Variants in AAK1 observed in about 807,000 individuals in gnomAD.
The protein encoded by AAK1 is AP2-associated protein kinase 1.
In AAK1, 37 loss-of-function variants were observed where a neutral mutation model predicts 116.0. That is an observed-to-expected ratio of 0.32 (90% CI 0.25 to 0.42). The LOEUF (loss-of-function observed/expected upper bound fraction) is 0.42, where lower values mean the gene tolerates loss of function less well. AAK1 is among the 10% of genes least tolerant of loss of function. AAK1 has a pLI of 1.00. For missense variants in AAK1, 919 were observed against 1,170.6 expected, an observed-to-expected ratio of 0.79 and a Z score of 3.14; for synonymous variants, 458 against 439.9, an observed-to-expected ratio of 1.04 and a Z score of -0.51.
intron 2 of AAK1, among the ~76,000 whole-genome samples, chr2:69,602,806 G>A (rs1673636473): frequency 6.6e-6 from 1 of 152,152 alleles, no homozygotes; most frequent in Non-Finnish European, 1.5e-5. Context: ...ACTAAAAAAA[G>A]ATGGTATTTA....
Position 69,482,799 on chromosome 2 carries a change from C to T in AAK1, c.2379G>A (p.Glu793=), listed in dbSNP as rs773380141. The T allele has an allele frequency of 6.2e-7, 1 of 1,612,330 alleles. No homozygotes were observed. Among genetic ancestry groups the T allele is most frequent in the Admixed American group, 1.7e-5 (1 of 59,990 alleles). Reference sequence around the variant, plus strand: ...GAGAAGTGTCAGGAGATTTGAGTCCCTCAATTAGTTTTTCTACGTTGGGCA... The same window carrying T: ...GAGAAGTGTCAGGAGATTTGAGTCCTTCAATTAGTTTTTCTACGTTGGGCA... ...QVPDAPEKLI[E]GLKSPDTSLL... is the part of the protein sequence containing the mutation. The change falls in exon 18 of 22, where the codon GAG becomes GAA. Residue 793 remains glutamate (E), a synonymous_variant. Transcript: ENST00000409085.
intron 2 of AAK1, among the ~76,000 whole-genome samples, chr2:69,571,215 C>T (rs997828576): frequency 3.9e-5 from 6 of 152,236 alleles, no homozygotes; most frequent in African/African-American, 1.4e-4. Context: ...CTCTTTCCCT[C>T]CCACAGCTAA....
At chr2:69,529,178 G>T (rs1186834657) in intron 8 of AAK1, among the ~76,000 whole-genome samples, 1 of 152,150 alleles carries the variant, frequency 6.6e-6, no homozygotes, top group Non-Finnish European at 1.5e-5. Context: ...ATTAAATGAG[G>T]TATAAGTAGG....
At chr2:69,638,569 C>T (rs556504528) in intron 2 of AAK1, among the ~76,000 whole-genome samples, 3 of 152,332 alleles carry the variant, frequency 2.0e-5, no homozygotes, top group Admixed American at 1.3e-4. Context: ...TCTACCACTC[C>T]GTGTCCTCTG....
In AAK1 at chr2:69,521,045, G is replaced by A. The variant is rs191914587; in HGVS notation, c.1056-57C>T. ...AAGTATGGGAAAAATGGAAGGGAGT[G>A]GGCAGAGGACACAATGCTTCCGCTT... On this transcript the variant is annotated intron_variant, in intron 10 of 21. Transcript: ENST00000409085. The A allele has an allele frequency of 1.9e-3, 2,992 of 1,581,622 alleles. 17 individuals are homozygous for A. Among genetic ancestry groups the A allele is most frequent in the Middle Eastern group, 0.019 (111 of 5,900 alleles).
intron 3 of AAK1, among the ~76,000 whole-genome samples, chr2:69,551,911 G>A (rs74456524): frequency 0.027 from 4,089 of 152,320 alleles, 180 homozygotes; most frequent in African/African-American, 0.093. Context: ...TTCTCTTTGC[G>A]TTTGGATGCA....
In AAK1 at chr2:69,472,892, C is replaced by T. The variant is rs1165453182; in HGVS notation, c.*2977G>A. 8.1e-6 allele frequency: 8 copies of T among 985,562 alleles called. No individual in the cohort carries two copies. The highest frequency in any genetic ancestry group is 9.6e-6 in the Non-Finnish European group (8 of 829,814). The allele number at this position is 985,562 out of a possible 1,614,324, so 61.1% of individuals were successfully genotyped here. A position where few individuals can be genotyped will look rare whatever the true frequency, so the allele number is the denominator to read the frequency against. ...AAAATCTCTAAGATTATGATTTAGG[C>T]TTCTATTCAGATAATCAAGAAAGAG... On this transcript the variant is annotated 3_prime_UTR_variant, in exon 22 of 22. Transcript: ENST00000409085.
Position 69,468,507 on chromosome 2 carries a change from T to C in AAK1, c.*7362A>G, listed in dbSNP as rs577258001. Reference sequence around the variant, plus strand: ...AAAACTACCTTGAAAGTTGATGTTATTAAGCTTGTTCTGCAGGAGAGCAAA... The same window carrying C: ...AAAACTACCTTGAAAGTTGATGTTACTAAGCTTGTTCTGCAGGAGAGCAAA... On this transcript the variant is annotated 3_prime_UTR_variant, in exon 22 of 22. Transcript: ENST00000409085. 9.3e-5 allele frequency: 92 copies of C among 985,302 alleles called. No individual in the cohort carries two copies. The highest frequency in any genetic ancestry group is 3.1e-4 in the Admixed American group (5 of 16,260). 61.0% of individuals were successfully genotyped at this position (985,302 alleles called of 1,614,324 possible).
At chr2:69,638,381 TG>T (rs1200264471) in intron 2 of AAK1, among the ~76,000 whole-genome samples, 1 of 151,934 alleles carries the variant, frequency 6.6e-6, no homozygotes, top group East Asian at 1.9e-4. Flanking sequence ...TCAAACCTTC[TG>T]GGACCACTCT....
chr2:69,530,811 G>T, intron 6 of AAK1, 105 bp from the exon 7 acceptor site: 1 of 793,584 alleles, frequency 1.3e-6, no homozygotes. Context: ...GAATCCCTGG[G>T]AGCAATCTGC....
intron 17 of AAK1, among the ~76,000 whole-genome samples, chr2:69,488,867 T>C (rs1245847789): frequency 1.3e-5 from 2 of 152,068 alleles, no homozygotes; most frequent in Non-Finnish European, 2.9e-5. Flanking sequence ...TCTCTTACTC[T>C]TTCTAGACTG....
chr2:69,550,491 G>C (rs906200426), intron 3 of AAK1, among the ~76,000 whole-genome samples: 12 of 151,994 alleles, frequency 7.9e-5, no homozygotes, highest in African/African-American at 2.9e-4. Flanking sequence ...TTTTAGTAGA[G>C]ATGGGGTTTC....
chr2:69,592,238 C>T (rs13397264), intron 2 of AAK1, among the ~76,000 whole-genome samples: 17,467 of 152,152 alleles, frequency 0.11, 2,315 homozygotes, highest in African/African-American at 0.3. Flanking sequence ...TTATTGGGTA[C>T]TGCCTCAACT....
At chr2:69,558,249 G>A (rs887673359) in intron 2 of AAK1, among the ~76,000 whole-genome samples, 5 of 151,876 alleles carry the variant, frequency 3.3e-5, no homozygotes, top group Non-Finnish European at 7.4e-5. Flanking sequence ...AGGCTGAGGT[G>A]GGAAGGATGG....
At chr2:69,514,960 A>G (rs533617811) in intron 12 of AAK1, among the ~76,000 whole-genome samples, 2 of 152,266 alleles carry the variant, frequency 1.3e-5, no homozygotes, top group South Asian at 2.1e-4. Context: ...GGCTCCATCC[A>G]TTGCACCAGG....
At chr2:69,610,647 C>T (rs1007409035) in intron 2 of AAK1, among the ~76,000 whole-genome samples, 2 of 152,070 alleles carry the variant, frequency 1.3e-5, no homozygotes, top group African/African-American at 4.8e-5. Flanking sequence ...ATTAAAAATT[C>T]CTAAAATTCA....
chr2:69,630,364 G>A (rs1200962508), intron 2 of AAK1, among the ~76,000 whole-genome samples: 2 of 135,462 alleles, frequency 1.5e-5, no homozygotes, highest in Non-Finnish European at 3.2e-5. Context: ...GAGGGAGAGG[G>A]AGGGGGAGGG....
In AAK1 at chr2:69,643,099, T is replaced by G; in HGVS notation, c.-59A>C. On this transcript the variant is annotated 5_prime_UTR_variant, in exon 2 of 22. Transcript: ENST00000409085. Reference sequence around the variant, plus strand: ...ATGGTTTCTAGATTTTTTTTTTTTTTTTTTTTTTTTAAGAAAAGAGATCCA... The same window carrying G: ...ATGGTTTCTAGATTTTTTTTTTTTTGTTTTTTTTTTAAGAAAAGAGATCCA... 2 of 1,452,222 alleles carry G rather than the reference T, an allele frequency of 1.4e-6. No individual in the cohort carries two copies. Among genetic ancestry groups the G allele is most frequent in the Non-Finnish European group, 1.8e-6 (2 of 1,108,522 alleles). The allele number at this position is 1,452,222 out of a possible 1,614,324, so 90.0% of individuals were successfully genotyped here.
chr2:69,461,628 C>G lies in AAK1; in HGVS notation c.*14241G>C, dbSNP rs1170345665. 2.5e-6 allele frequency: 1 copy of G among 405,826 alleles called. No homozygotes were observed. The highest frequency in any genetic ancestry group is 3.0e-5 in the Admixed American group (1 of 33,640). The allele number at this position is 405,826 out of a possible 1,614,324, so 25.1% of individuals were successfully genotyped here. A position where few individuals can be genotyped will look rare whatever the true frequency, so the allele number is the denominator to read the frequency against. ...TTTTTTTTTGAGGCGGAGTTTTGCT[C>G]TTCTCGCCCAGGCTGGAGTGCAATG... On this transcript the variant is annotated 3_prime_UTR_variant, in exon 22 of 22. Coordinates refer to ENST00000409085, the MANE Select transcript of AAK1 (RefSeq NM_014911.5).
Sources: allele counts gnomAD v4.1 joint callset (sites outside exome capture counted in the v4.1 genomes callset), GRCh38; gene constraint gnomAD v4.1.1; transcripts MANE v1.5; gene names NCBI Gene and HGNC (gene_info 2026-07-23, HGNC 2026-07-21).